SGK1: variants seen among roughly 807,000 people sequenced by gnomAD.
SGK1 encodes serine/threonine-protein kinase Sgk1.
A neutral mutation model predicts 64.2 loss-of-function variants in SGK1; 26 were observed. The ratio of observed to expected loss-of-function variants is 0.40; its 90% CI spans 0.30 to 0.56. SGK1 has a LOEUF of 0.56. Ranked by LOEUF, SGK1 falls within the 20% of genes least tolerant of loss-of-function variation. The pLI is 0.38. For synonymous variants in SGK1, 265 were observed against 239.7 expected (o/e 1.11, Z -0.98); for missense variants, 519 against 645.6 (o/e 0.80, Z 2.12).
At chr6:134,239,557 T>G (rs533772876) in intron 2 of SGK1, among the ~76,000 whole-genome samples, 2 of 152,200 alleles carry the variant, frequency 1.3e-5, no homozygotes, top group Non-Finnish European at 2.9e-5. Flanking sequence ...TTTACGGCCC[T>G]TTTTAGTTCT....
chr6:134,193,672 C>A (rs544086182), intron 3 of SGK1, among the ~76,000 whole-genome samples: 1 of 149,064 alleles, frequency 6.7e-6, no homozygotes, highest in Non-Finnish European at 1.5e-5. Context: ...TGAGTGAGAT[C>A]TTCTCACTCA....
At chr6:134,224,043 AT>A (rs938833133) in intron 2 of SGK1, among the ~76,000 whole-genome samples, 12 of 152,196 alleles carry the variant, frequency 7.9e-5, no homozygotes, top group Admixed American at 2.0e-4. Flanking sequence ...CCTTGCCAAT[AT>A]TTTTTTTAAG....
intron 1 of SGK1, among the ~76,000 whole-genome samples, chr6:134,265,608 T>TTA (rs1562268992): frequency 7.1e-6 from 1 of 140,866 alleles, no homozygotes; most frequent in South Asian, 2.1e-4. Context: ...CATATATATT[T>TTA]TATATATATA....
intron 3 of SGK1, among the ~76,000 whole-genome samples, chr6:134,196,358 G>C (rs1775594147): frequency 6.6e-6 from 1 of 151,996 alleles, no homozygotes; most frequent in African/African-American, 2.4e-5. Context: ...GAGCCACCGT[G>C]CCTGGCCAAG....
At chr6:134,258,693 C>T (rs989161135) in intron 2 of SGK1, among the ~76,000 whole-genome samples, 1 of 152,104 alleles carries the variant, frequency 6.6e-6, no homozygotes, top group Middle Eastern at 3.4e-3. Flanking sequence ...GGTGACAGGG[C>T]GAGACTCCAT....
At chr6:134,191,537 C>G (rs1331581048) in intron 3 of SGK1, among the ~76,000 whole-genome samples, 1 of 152,166 alleles carries the variant, frequency 6.6e-6, no homozygotes, top group African/African-American at 2.4e-5. Flanking sequence ...TAAGGACATA[C>G]CTATCAGCGA....
intron 3 of SGK1, among the ~76,000 whole-genome samples, chr6:134,206,365 ATATATATATATATATATATTTTTTTTTT>A (rs1404624652): frequency 0.068 from 699 of 10,268 alleles, 11 homozygotes; most frequent in Non-Finnish European, 0.11. Context: ...ATATATATAT[ATATATATATATATATATATTTTTTTTTT>A]TTTTTTTTTT....
intron 2 of SGK1, among the ~76,000 whole-genome samples, chr6:134,224,875 G>C (rs1426215937): frequency 2.0e-5 from 3 of 151,448 alleles, no homozygotes; most frequent in Admixed American, 1.3e-4. Flanking sequence ...CAAAAAATTA[G>C]CCAGGCGTGG....
chr6:134,171,598 G>T (rs187700248), intron 11 of SGK1, 39 bp downstream of exon 11: 2 of 1,401,632 alleles, frequency 1.4e-6, no homozygotes, highest in South Asian at 1.2e-5. Context: ...ATATTGTAGG[G>T]AGCAGGCAGT....
At chr6:134,198,394 T>A (rs892519716) in intron 3 of SGK1, among the ~76,000 whole-genome samples, 3 of 152,180 alleles carry the variant, frequency 2.0e-5, no homozygotes, top group African/African-American at 7.2e-5. Flanking sequence ...TTTATCACAT[T>A]TTTCTCTTTT....
At chr6:134,261,769 A>T in intron 2 of SGK1, 164 bp downstream of exon 2, 1 of 646,356 alleles carries the variant, frequency 1.5e-6, no homozygotes, top group Non-Finnish European at 2.7e-6. Flanking sequence ...CTTTAAAAAA[A>T]TAACATAATG....
At chr6:134,255,723 T>C (rs543452508) in intron 2 of SGK1, among the ~76,000 whole-genome samples, 13 of 151,972 alleles carry the variant, frequency 8.6e-5, no homozygotes, top group African/African-American at 3.1e-4. Flanking sequence ...TAGCTGGGAT[T>C]ACAGGCGCCC....
chr6:134,317,541 T>A lies in SGK1; in HGVS notation c.-81A>T, dbSNP rs1352985907. 1.7e-4 allele frequency: 149 copies of A among 852,208 alleles called. 3 individuals carry two copies. Among genetic ancestry groups the A allele is most frequent in the South Asian group, 1.6e-3 (123 of 75,344 alleles). The allele number at this position is 852,208 out of a possible 1,614,324, so 52.8% of individuals were successfully genotyped here. ...TGCATATCTGTTTCCCCGGTTTACC[T>A]CCTGCAGACAGTTAATGAAGACTGA... On this transcript the variant is annotated 5_prime_UTR_variant, in exon 1 of 14. Transcript: ENST00000367858.
Position 134,174,569 on chromosome 6 carries a change from T to A in SGK1, c.379A>T (p.Arg127Trp). 1 of 1,613,942 alleles carries A rather than the reference T, an allele frequency of 6.2e-7. No individual in the cohort carries two copies. Among genetic ancestry groups the A allele is most frequent in the East Asian group, 2.2e-5 (1 of 44,888 alleles). The stretch of plus-strand genomic sequence containing the variant: ...TGAATAAAGTCGTTCAGACCCATCC[T>A]CCTCTGCTTCATGAAAGCTGTGGAT... ...NDDPAFMKQR[R>W]MGLNDFIQKI... Residue 127 changes from arginine (R) to tryptophan (W), a missense_variant, in exon 4 of 14, where the codon AGG becomes TGG. Coordinates refer to ENST00000367858, the MANE Select transcript of SGK1 (RefSeq NM_001143676.3).
At chr6:134,288,426 C>T (rs941225774) in intron 1 of SGK1, among the ~76,000 whole-genome samples, 6 of 152,154 alleles carry the variant, frequency 3.9e-5, no homozygotes, top group African/African-American at 7.2e-5. Context: ...GTAGAAAATA[C>T]GCCTGGAGAA....
intron 1 of SGK1, among the ~76,000 whole-genome samples, chr6:134,272,141 C>CTT (rs369377380): frequency 0.12 from 15,433 of 129,288 alleles, 1,778 homozygotes; most frequent in African/African-American, 0.22. Flanking sequence ...CGTGCCCAGC[C>CTT]TTTTTTTTTT....
intron 3 of SGK1, among the ~76,000 whole-genome samples, chr6:134,204,422 A>G (rs1022873149): frequency 4.1e-5 from 6 of 146,184 alleles, no homozygotes; most frequent in African/African-American, 1.5e-4. Context: ...GAGTATGTCT[A>G]TTGCACCACT....
chr6:134,170,793 T>C (rs755709305), intron 13 of SGK1, 33 bp downstream of exon 13: 2 of 1,361,872 alleles, frequency 1.5e-6, no homozygotes, highest in Non-Finnish European at 2.1e-6. Flanking sequence ...CCCTTTGGGC[T>C]TCTCTATACT....
intron 1 of SGK1, among the ~76,000 whole-genome samples, chr6:134,276,307 A>T (rs1236915633): frequency 1.3e-5 from 2 of 152,222 alleles, no homozygotes; most frequent in African/African-American, 4.8e-5. Context: ...GAAATCAACA[A>T]TTGGAAGACA....
Sources: gnomAD v4.1 joint callset for allele counts (sites outside exome capture counted in the v4.1 genomes callset) on GRCh38, gnomAD v4.1.1 for gene constraint, MANE v1.5 for transcripts, NCBI Gene and HGNC (gene_info 2026-07-23, HGNC 2026-07-21) for gene names.